The following RBMS1 variants were observed in gnomAD, a reference collection of about 807,000 sequenced individuals.
RBMS1 encodes the protein RNA-binding motif, single-stranded-interacting protein 1.
RBMS1 carries 17 observed loss-of-function variants against 62.3 expected under a neutral mutation model. The observed-to-expected ratio is 0.27, with a 90% CI of 0.19 to 0.41. The LOEUF is 0.41. Among genes scored for constraint, RBMS1 ranks in the 10% least tolerant of loss-of-function variants. RBMS1 has a pLI of 1.00. For synonymous variants in RBMS1, 172 were observed against 170.0 expected (o/e 1.01, Z -0.09); for missense variants, 334 against 504.5 (o/e 0.66, Z 3.24).
At chr2:160,342,505 T>C (rs183879024) in intron 2 of RBMS1, among the ~76,000 whole-genome samples, 1 of 152,160 alleles carries the variant, frequency 6.6e-6, no homozygotes, top group Non-Finnish European at 1.5e-5. Context: ...ACATATCAAG[T>C]TAGCATTTCA....
rs571547743 is a variant in RBMS1, at chr2:160,362,669, T to C, written c.251+4547A>G. 4.6e-5 allele frequency among the ~76,000 whole-genome samples: 7 copies of C among 152,144 alleles called. No individual in the cohort carries two copies. In the South Asian group the frequency reaches 6.2e-4, roughly 14 times the overall value. On this transcript the variant is annotated intron_variant, in intron 2 of 13. Transcript: ENST00000348849. ...AATAATGATGAAGAAATCTGAAATATAGTGAAAATTACCAAAATGTGACGC... is the reference window on the plus strand; with the variant it reads ...AATAATGATGAAGAAATCTGAAATACAGTGAAAATTACCAAAATGTGACGC...
At chr2:160,311,242 A>ATATATC (rs1553505473) in intron 4 of RBMS1, among the ~76,000 whole-genome samples, 7 of 123,658 alleles carry the variant, frequency 5.7e-5, no homozygotes, top group African/African-American at 1.9e-4. Context: ...CTATATATAT[A>ATATATC]TATATATATA....
At chr2:160,283,765 AG>A (rs1391459734) in intron 9 of RBMS1, 1 of 152,178 alleles carries the variant, frequency 6.6e-6, no homozygotes, top group African/African-American at 2.4e-5. Flanking sequence ...ATGATATGTG[AG>A]GTCCTTGGCT....
At chr2:160,488,606 CAG>C (rs950580355) in intron 1 of RBMS1, among the ~76,000 whole-genome samples, 9 of 152,014 alleles carry the variant, frequency 5.9e-5, no homozygotes, top group African/African-American at 2.2e-4. Context: ...GCAGAGGAAA[CAG>C]AACATTTAAA....
intron 1 of RBMS1, among the ~76,000 whole-genome samples, chr2:160,476,846 G>C (rs917119557): frequency 4.6e-5 from 7 of 152,036 alleles, no homozygotes; most frequent in Admixed American, 1.3e-4. Flanking sequence ...GAGCCACCGC[G>C]CCCGGCCCAA....
intron 1 of RBMS1, among the ~76,000 whole-genome samples, chr2:160,377,062 T>C (rs895883773): frequency 1.3e-5 from 2 of 151,878 alleles, no homozygotes; most frequent in Admixed American, 6.6e-5. Context: ...GTCTCTAAGC[T>C]ATACTGCCTG....
Position 160,287,040 on chromosome 2 carries a change from T to G in RBMS1, c.685A>C (p.Lys229Gln). The G allele has an allele frequency of 6.2e-7, 1 of 1,614,092 alleles. No individual in the cohort carries two copies. ...LLCKFADGGQ[K>Q]KRQNPNKYIP... ...TATTTGTTTGGGTTCTGTCTCTTTT[T>G]CTGTCCTCCATCAGCAAACTTACAC... Residue 229 changes from lysine (K) to glutamine (Q), a missense_variant, in exon 7 of 14, where the codon AAA becomes CAA. Around this residue, in one of 3 missense-constraint regions of RBMS1, gnomAD observed 182 missense variants for 257.7 expected, o/e 0.71. Transcript: ENST00000348849.
chr2:160,419,043 G>A (rs1696311828), intron 1 of RBMS1, among the ~76,000 whole-genome samples: 1 of 152,148 alleles, frequency 6.6e-6, no homozygotes, highest in South Asian at 2.1e-4. Flanking sequence ...AAATACTTAA[G>A]AAGGTTTGTA....
At chr2:160,457,425 G>T (rs1684287298) in intron 1 of RBMS1, among the ~76,000 whole-genome samples, 1 of 152,092 alleles carries the variant, frequency 6.6e-6, no homozygotes, top group African/African-American at 2.4e-5. Flanking sequence ...CCACCGCGCG[G>T]TATCCTCATT....
At chr2:160,365,953 C>T (rs1202867040) in intron 2 of RBMS1, among the ~76,000 whole-genome samples, 2 of 152,202 alleles carry the variant, frequency 1.3e-5, no homozygotes, top group African/African-American at 4.8e-5. Flanking sequence ...GCTGGGCTTG[C>T]TTTCACAGCA....
intron 1 of RBMS1, among the ~76,000 whole-genome samples, chr2:160,479,681 A>G (rs1158693836): frequency 6.6e-6 from 1 of 151,938 alleles, no homozygotes; most frequent in East Asian, 1.9e-4. Context: ...GCCTCCCTAG[A>G]GCTCTGCTTC....
At chr2:160,442,791 G>A (rs923530402) in intron 1 of RBMS1, among the ~76,000 whole-genome samples, 1 of 152,158 alleles carries the variant, frequency 6.6e-6, no homozygotes, top group Non-Finnish European at 1.5e-5. Flanking sequence ...GAGGCCCAAC[G>A]CAGGCAGCAG....
chr2:160,486,529 C>T (rs770759522), intron 1 of RBMS1, among the ~76,000 whole-genome samples: 2 of 152,114 alleles, frequency 1.3e-5, no homozygotes, highest in Non-Finnish European at 2.9e-5. Context: ...TTATCTGGGA[C>T]CCAGCAGCCC....
chr2:160,449,943 C>T (rs1270433797), intron 1 of RBMS1, among the ~76,000 whole-genome samples: 1 of 152,110 alleles, frequency 6.6e-6, no homozygotes, highest in Non-Finnish European at 1.5e-5. Context: ...CTATACATCT[C>T]CAACCTGATG....
intron 1 of RBMS1, 119 bp downstream of exon 1, chr2:160,493,170 C>T (rs901173296): frequency 5.0e-5 from 50 of 1,005,676 alleles, no homozygotes; most frequent in Admixed American, 2.1e-4. Flanking sequence ...TAGCAACCTT[C>T]CAGCAACTCC....
chr2:160,324,907 T>TATATATATATATAC (rs1321182985), intron 2 of RBMS1, among the ~76,000 whole-genome samples: 2 of 106,806 alleles, frequency 1.9e-5, no homozygotes, highest in Admixed American at 9.0e-5. Context: ...TATATATATA[T>TATATATATATATAC]ACACACACAC....
At chr2:160,363,458 G>C (rs1559447552) in intron 2 of RBMS1, among the ~76,000 whole-genome samples, 1 of 152,142 alleles carries the variant, frequency 6.6e-6, no homozygotes, top group Non-Finnish European at 1.5e-5. Flanking sequence ...TTGCTGAATA[G>C]AGATGGGGAG....
intron 1 of RBMS1, among the ~76,000 whole-genome samples, chr2:160,431,551 A>G (rs1447842880): frequency 6.6e-6 from 1 of 152,176 alleles, no homozygotes; most frequent in Admixed American, 6.5e-5. Context: ...TCTGTTTCAT[A>G]ATCTTAGGCT....
At chr2:160,485,640 G>A (rs1373928371) in intron 1 of RBMS1, among the ~76,000 whole-genome samples, 1 of 151,348 alleles carries the variant, frequency 6.6e-6, no homozygotes, top group Non-Finnish European at 1.5e-5. Context: ...ATAAGTTAAG[G>A]TATACCCAAT....
Sources: gnomAD v4.1 joint callset for allele counts (sites outside exome capture counted in the v4.1 genomes callset) on GRCh38, gnomAD v4.1.1 for gene constraint, gnomAD v4.1.1 regional missense constraint, MANE v1.5 for transcripts, NCBI Gene and HGNC (gene_info 2026-07-23, HGNC 2026-07-21) for gene names.